The following SPRR2G variants were observed in gnomAD, a reference collection of about 807,000 sequenced individuals.
SPRR2G encodes small proline rich protein 2G, also known as small proline-rich protein 2G.
In SPRR2G, 1 loss-of-function variant was observed where a neutral mutation model predicts 0.7. The observed-to-expected ratio is 1.49, with a 90% CI of 0.53 to 7.06. SPRR2G has a LOEUF of 7.06. Ranked by LOEUF, SPRR2G falls within the 30% of genes most tolerant of loss-of-function variation. SPRR2G has a pLI of 0.14. For synonymous variants in SPRR2G, 38 were observed against 33.9 expected, an observed-to-expected ratio of 1.12 and a Z score of -0.42; for missense variants, 96 against 88.5, an observed-to-expected ratio of 1.09 and a Z score of -0.34.
At chr1:153,185,413 G>A in the SPRR2G span, among the ~76,000 whole-genome samples, 1 of 151,468 alleles carries the variant, frequency 6.6e-6, no homozygotes, top group African/African-American at 2.4e-5. Context: ...GGTCTACTCA[G>A]GGATTCGACT....
chr1:153,159,605 T>A, the SPRR2G span, among the ~76,000 whole-genome samples: 9 of 152,310 alleles, frequency 5.9e-5, no homozygotes, highest in African/African-American at 2.2e-4. Flanking sequence ...TTCTCTGTAT[T>A]AGTTTGTTCT....
At chr1:153,199,625 T>G in the SPRR2G span, among the ~76,000 whole-genome samples, 4 of 152,202 alleles carry the variant, frequency 2.6e-5, no homozygotes, top group South Asian at 8.3e-4. Context: ...TACTCTTCTT[T>G]CCTGTGCAGC....
upstream of SPRR2G, among the ~76,000 whole-genome samples, chr1:153,154,485 A>G (rs1419940578): frequency 6.6e-6 from 1 of 151,792 alleles, no homozygotes; most frequent in Non-Finnish European, 1.5e-5. Flanking sequence ...GTGGTCCTGG[A>G]TTTTTCTTTG....
At chr1:153,186,232 G>T in the SPRR2G span, among the ~76,000 whole-genome samples, 1 of 152,122 alleles carries the variant, frequency 6.6e-6, no homozygotes, top group African/African-American at 2.4e-5. Context: ...TATTAGGTCT[G>T]CTTGGTCCAG....
At chr1:153,197,772 T>C in the SPRR2G span, among the ~76,000 whole-genome samples, 3,502 of 152,222 alleles carry the variant, frequency 0.023, 311 homozygotes, top group Admixed American at 0.16. Flanking sequence ...AATTTTCAAA[T>C]TGTATATAGA....
At chr1:153,202,566 A>G in the SPRR2G span, among the ~76,000 whole-genome samples, 1 of 152,304 alleles carries the variant, frequency 6.6e-6, no homozygotes, top group African/African-American at 2.4e-5. Context: ...AATAAGTCCC[A>G]TGAATCTACC....
At chr1:153,159,794 A>G in the SPRR2G span, among the ~76,000 whole-genome samples, 1 of 152,174 alleles carries the variant, frequency 6.6e-6, no homozygotes, top group Non-Finnish European at 1.5e-5. Flanking sequence ...GGGAACTGCC[A>G]AACACTTTTA....
the SPRR2G span, chr1:153,191,190 C>T: frequency 2.0e-5 from 3 of 152,316 alleles, no homozygotes; most frequent in South Asian, 6.2e-4. Flanking sequence ...TGATTAGGGA[C>T]TCGCCATGCA....
chr1:153,193,369 T>C, the SPRR2G span, among the ~76,000 whole-genome samples: 1 of 152,194 alleles, frequency 6.6e-6, no homozygotes, highest in Admixed American at 6.5e-5. Context: ...CACTCACTCT[T>C]GCCTAGACTG....
the SPRR2G span, among the ~76,000 whole-genome samples, chr1:153,157,249 T>C: frequency 6.6e-6 from 1 of 152,204 alleles, no homozygotes; most frequent in Non-Finnish European, 1.5e-5. Flanking sequence ...ATCATTAATT[T>C]TGTTAAGTGT....
chr1:153,149,625 A>G lies in SPRR2G; in HGVS notation c.*264T>C. 1 of 544,098 alleles carries G rather than the reference A, an allele frequency of 1.8e-6. No homozygotes were observed. The highest frequency in any genetic ancestry group is 3.3e-6 in the Non-Finnish European group (1 of 303,608). 33.7% of individuals were successfully genotyped at this position (544,098 alleles called of 1,614,324 possible). On this transcript the variant is annotated 3_prime_UTR_variant, in exon 2 of 2. Coordinates refer to ENST00000368748, the MANE Select transcript of SPRR2G (RefSeq NM_001014291.4). ...ATGTGCTTTATTGGGGAGAAGCAAA[A>G]GAATAAACACACTTGCTCTCAGGAT...
chr1:153,197,367 G>A, the SPRR2G span, among the ~76,000 whole-genome samples: 2 of 151,950 alleles, frequency 1.3e-5, no homozygotes, highest in African/African-American at 4.8e-5. Context: ...CCTGCCTCCT[G>A]GAATCTCTGG....
At chr1:153,191,005 G>A in the SPRR2G span, 1 of 152,216 alleles carries the variant, frequency 6.6e-6, no homozygotes, top group East Asian at 1.9e-4. Flanking sequence ...GAGGAAAGTG[G>A]AGACTGAATG....
chr1:153,155,299 T>C (rs1656559882), upstream of SPRR2G, among the ~76,000 whole-genome samples: 1 of 152,172 alleles, frequency 6.6e-6, no homozygotes, highest in Non-Finnish European at 1.5e-5. Flanking sequence ...CACAAACCAC[T>C]TGAACCTCCA....
the SPRR2G span, among the ~76,000 whole-genome samples, chr1:153,159,053 C>G: frequency 6.6e-6 from 1 of 152,118 alleles, no homozygotes. Flanking sequence ...GGGGCTGCCA[C>G]GAAGATCTCT....
chr1:153,150,451 G>A (rs75000153), intron 1 of SPRR2G, among the ~76,000 whole-genome samples: 4,021 of 152,238 alleles, frequency 0.026, 171 homozygotes, highest in African/African-American at 0.091. Context: ...AAACAAATCT[G>A]TGCTCTTATC....
chr1:153,178,680 T>C, the SPRR2G span, among the ~76,000 whole-genome samples: 2,503 of 152,234 alleles, frequency 0.016, 62 homozygotes, highest in African/African-American at 0.058. Flanking sequence ...AATTTACTGA[T>C]ATTTTCTTAA....
chr1:153,157,531 T>C, the SPRR2G span, among the ~76,000 whole-genome samples: 2 of 152,246 alleles, frequency 1.3e-5, no homozygotes, highest in East Asian at 3.9e-4. Flanking sequence ...AATATACACA[T>C]CTGGATGAAT....
At chr1:153,176,183 T>C in the SPRR2G span, 19 of 152,316 alleles carry the variant, frequency 1.2e-4, no homozygotes, top group East Asian at 3.5e-3. Flanking sequence ...TAGGGCACTG[T>C]CAACTCGCTA....
Sources: allele counts gnomAD v4.1 joint callset (sites outside exome capture counted in the v4.1 genomes callset), GRCh38; gene constraint gnomAD v4.1.1; transcripts MANE v1.5; gene names NCBI Gene and HGNC (gene_info 2026-07-23, HGNC 2026-07-21).